The following PEX5L variants were observed in gnomAD, a reference collection of about 807,000 sequenced individuals.
The protein encoded by PEX5L is peroxisomal biogenesis factor 5 like, also known as PEX5-related protein.
Under a neutral mutation model 84.0 loss-of-function variants are expected in PEX5L, and 30 were observed. The observed-to-expected ratio is 0.36, with a 90% CI of 0.27 to 0.48. The LOEUF (loss-of-function observed/expected upper bound fraction) is 0.48, where lower values mean the gene tolerates loss of function less well. Among genes scored for constraint, PEX5L ranks in the 20% least tolerant of loss-of-function variants. The pLI is 0.99. For synonymous variants in PEX5L, 270 were observed against 283.1 expected (o/e 0.95, Z 0.46); for missense variants, 533 against 754.6 (o/e 0.71, Z 3.44).
At chr3:180,010,246 CTTTTTT>C (rs1178375452) in intron 1 of PEX5L, among the ~76,000 whole-genome samples, 2 of 105,180 alleles carry the variant, frequency 1.9e-5, no homozygotes, top group South Asian at 6.4e-4. Flanking sequence ...CACCCGGCCT[CTTTTTT>C]TTTTTTTTTT....
chr3:179,920,181 A>G (rs980517968), intron 2 of PEX5L, among the ~76,000 whole-genome samples: 4 of 152,168 alleles, frequency 2.6e-5, no homozygotes, highest in African/African-American at 9.7e-5. Context: ...GGAGCCTCAC[A>G]GTTCTGATCT....
chr3:179,950,539 A>G lies in PEX5L; in HGVS notation c.93+21055T>C, dbSNP rs181692294. 1.5e-3 allele frequency among the ~76,000 whole-genome samples: 236 copies of G among 152,270 alleles called. 1 individual carries two copies. Among genetic ancestry groups the G allele is most frequent in the African/African-American group, 5.6e-3 (231 of 41,548 alleles). ...ACAAAATTTAAAAAATGTAAAAAAAAATACCTCTTTCCCATCTTCTCACAT... is the reference window on the plus strand; with the variant it reads ...ACAAAATTTAAAAAATGTAAAAAAAGATACCTCTTTCCCATCTTCTCACAT... On this transcript the variant is annotated intron_variant, in intron 2 of 14. Transcript: ENST00000467460.
intron 1 of PEX5L, among the ~76,000 whole-genome samples, chr3:180,022,463 T>C (rs1790503476): frequency 6.6e-6 from 1 of 152,184 alleles, no homozygotes; most frequent in African/African-American, 2.4e-5. Context: ...TAGCAACGGA[T>C]TTTTCTCAAG....
At chr3:179,989,989 A>G (rs1484412408) in intron 1 of PEX5L, among the ~76,000 whole-genome samples, 1 of 152,244 alleles carries the variant, frequency 6.6e-6, no homozygotes, top group Non-Finnish European at 1.5e-5. Flanking sequence ...ATTAAATTAT[A>G]GCATTAAATG....
At chr3:179,832,838 C>CACCT (rs370833959) in intron 8 of PEX5L, among the ~76,000 whole-genome samples, 3 of 151,714 alleles carry the variant, frequency 2.0e-5, no homozygotes, top group African/African-American at 7.3e-5. Context: ...CTACCCTACC[C>CACCT]ACCTACCTAC....
chr3:179,899,615 C>A (rs1760621723), intron 2 of PEX5L, among the ~76,000 whole-genome samples: 1 of 152,180 alleles, frequency 6.6e-6, no homozygotes, highest in Non-Finnish European at 1.5e-5. Flanking sequence ...TATCCATTTT[C>A]TCAGGCACTG....
At chr3:179,864,654 T>C (rs1747470444) in intron 7 of PEX5L, among the ~76,000 whole-genome samples, 1 of 152,104 alleles carries the variant, frequency 6.6e-6, no homozygotes, top group Non-Finnish European at 1.5e-5. Flanking sequence ...TGTTATATTT[T>C]TGAAACTCGG....
At chr3:179,967,665 T>G (rs992166459) in intron 2 of PEX5L, among the ~76,000 whole-genome samples, 7 of 131,026 alleles carry the variant, frequency 5.3e-5, no homozygotes, top group African/African-American at 2.1e-4. Context: ...TAAATGCTGA[T>G]GAATTCCAGT....
At chr3:179,966,361 AC>A (rs1783340242) in intron 2 of PEX5L, among the ~76,000 whole-genome samples, 1 of 152,194 alleles carries the variant, frequency 6.6e-6, no homozygotes, top group South Asian at 2.1e-4. Flanking sequence ...AGGGTATCAT[AC>A]TTTGTAAGTG....
At chr3:179,868,046 T>TC (rs1748994003) in intron 7 of PEX5L, among the ~76,000 whole-genome samples, 78 of 136,326 alleles carry the variant, frequency 5.7e-4, no homozygotes, top group East Asian at 2.4e-3. Flanking sequence ...CTTCTTCTTT[T>TC]TTTTTTTTTT....
chr3:180,001,692 C>T (rs1224554318), intron 1 of PEX5L, among the ~76,000 whole-genome samples: 1 of 152,046 alleles, frequency 6.6e-6, no homozygotes, highest in Non-Finnish European at 1.5e-5. Flanking sequence ...CTATTTTATG[C>T]ATATGTTTTA....
At chr3:179,806,300 G>T (rs1284117734) in intron 14 of PEX5L, among the ~76,000 whole-genome samples, 1 of 152,154 alleles carries the variant, frequency 6.6e-6, no homozygotes, top group African/African-American at 2.4e-5. Flanking sequence ...GTGTAGGGGG[G>T]TGGCACAGAG....
chr3:179,858,665 G>A (rs559684411), intron 8 of PEX5L, among the ~76,000 whole-genome samples: 214 of 152,224 alleles, frequency 1.4e-3, no homozygotes, highest in Middle Eastern at 0.014. Flanking sequence ...TTCTGTTTCA[G>A]ACATTGTGCT....
At chr3:179,992,587 G>C (rs1196587267) in intron 1 of PEX5L, among the ~76,000 whole-genome samples, 2 of 152,158 alleles carry the variant, frequency 1.3e-5, no homozygotes, top group Non-Finnish European at 2.9e-5. Flanking sequence ...AGGTAAAACA[G>C]AGATGCAGTG....
At chr3:179,887,521 T>G (rs1756273468) in intron 4 of PEX5L, 152 bp downstream of exon 4, 2 of 574,730 alleles carry the variant, frequency 3.5e-6, no homozygotes, top group South Asian at 4.9e-5. Flanking sequence ...ATTTCTGTGA[T>G]TTATTGGTTT....
At chr3:179,993,905 A>G (rs1334444219) in intron 1 of PEX5L, among the ~76,000 whole-genome samples, 1 of 152,212 alleles carries the variant, frequency 6.6e-6, no homozygotes, top group East Asian at 1.9e-4. Context: ...TACATGTTCA[A>G]TGCACACACT....
At chr3:179,850,776 C>A (rs1046739996) in intron 8 of PEX5L, among the ~76,000 whole-genome samples, 1 of 152,136 alleles carries the variant, frequency 6.6e-6, no homozygotes, top group Non-Finnish European at 1.5e-5. Context: ...GATACTGAAT[C>A]TAAGTTAGAA....
chr3:179,813,686 T>TC (rs1223810346), intron 10 of PEX5L, among the ~76,000 whole-genome samples: 4 of 96,432 alleles, frequency 4.1e-5, no homozygotes, highest in Non-Finnish European at 6.9e-5. Flanking sequence ...TTTTTTTTTT[T>TC]TGAGACGGAG....
At chr3:179,811,897 T>A (rs777015554) in intron 10 of PEX5L, 26 bp from the exon 11 acceptor site, 1 of 1,576,584 alleles carries the variant, frequency 6.3e-7, no homozygotes, top group South Asian at 1.1e-5. Flanking sequence ...GATGTTAACA[T>A]TGCAAGATGA....
Sources: allele counts gnomAD v4.1 joint callset (sites outside exome capture counted in the v4.1 genomes callset), GRCh38; gene constraint gnomAD v4.1.1; transcripts MANE v1.5; gene names NCBI Gene and HGNC (gene_info 2026-07-23, HGNC 2026-07-21).